The following SLFN12L variants were observed in gnomAD, a reference collection of about 807,000 sequenced individuals.
The protein encoded by SLFN12L is schlafen family member 12 like, also known as schlafen family member 12-like.
SLFN12L carries 34 observed loss-of-function variants against 34.8 expected under a neutral mutation model. The observed-to-expected ratio is 0.98, with a 90% CI of 0.74 to 1.30. SLFN12L has a LOEUF of 1.30. SLFN12L is among the 50% of genes most tolerant of loss of function. The pLI is 0.00. For missense variants in SLFN12L, 703 were observed against 696.2 expected (o/e 1.01, Z -0.11); for synonymous variants, 259 against 247.5 (o/e 1.05, Z -0.44).
At chr17:35,532,527 G>A (rs1567696057) in intron 1 of SLFN12L, among the ~76,000 whole-genome samples, 1 of 151,942 alleles carries the variant, frequency 6.6e-6, no homozygotes, top group Non-Finnish European at 1.5e-5. Context: ...TAAAAAGCCT[G>A]AGGGACGTTA....
chr17:35,498,587 T>C, intron 2 of SLFN12L: 8 of 1,584,006 alleles, frequency 5.1e-6, no homozygotes, highest in Non-Finnish European at 6.9e-6. Flanking sequence ...GCCGCTTCCA[T>C]GGAATGTTTC....
intron 2 of SLFN12L, among the ~76,000 whole-genome samples, chr17:35,518,772 T>C (rs1023820623): frequency 3.3e-5 from 5 of 152,136 alleles, no homozygotes; most frequent in African/African-American, 1.2e-4. Context: ...AATTCAACCA[T>C]TGTGGAAGAC....
At chr17:35,502,996 T>TA (rs1022139117) in intron 2 of SLFN12L, among the ~76,000 whole-genome samples, 6 of 151,812 alleles carry the variant, frequency 4.0e-5, no homozygotes, top group East Asian at 1.9e-4. Context: ...AAAAAAGTTA[T>TA]AAAAAAAAGT....
chr17:35,465,426 A>C lies in SLFN12L; in HGVS notation c.*9497T>G, dbSNP rs1913706895. Among the ~76,000 whole-genome samples the C allele has an allele frequency of 6.6e-6, 1 of 152,036 alleles. No individual in the cohort carries two copies. Among genetic ancestry groups the C allele is most frequent in the Non-Finnish European group, 1.5e-5 (1 of 68,014 alleles). ...CCTTAAAGTATCTCGTATTGAACAT[A>C]GACTCCATGTCACAATAAATAATAA... On this transcript the variant is annotated 3_prime_UTR_variant, in exon 5 of 5. Transcript: ENST00000628453.
chr17:35,474,892 C>G lies in SLFN12L; in HGVS notation c.*31G>C. The G allele has an allele frequency of 6.6e-7, 1 of 1,509,982 alleles. No individual in the cohort carries two copies. The highest frequency in any genetic ancestry group is 8.8e-7 in the Non-Finnish European group (1 of 1,132,116). 93.5% of individuals were successfully genotyped at this position (1,509,982 alleles called of 1,614,324 possible). ...GTTGCAGTGAGTCGAGATCGTGTCA[C>G]TACACTCCAGTCTGGGTGACAGAGT... On this transcript the variant is annotated 3_prime_UTR_variant, in exon 5 of 5. Coordinates refer to ENST00000628453, the MANE Select transcript of SLFN12L (RefSeq NM_001363830.2).
chr17:35,519,658 C>T (rs550393977), intron 2 of SLFN12L, among the ~76,000 whole-genome samples: 168 of 152,254 alleles, frequency 1.1e-3, no homozygotes, highest in Non-Finnish European at 1.9e-3. Flanking sequence ...AAAGTAAATA[C>T]GGTGGATCAA....
Position 35,525,401 on chromosome 17 carries a change from T to G in SLFN12L, c.-605-2432A>C, listed in dbSNP as rs553509625. ...TCGAGAAGAGCAACCCTAAGACACA[T>G]AATCGTCAGATTCACCAAGGTTGAA... On this transcript the variant is annotated intron_variant, in intron 1 of 4. Coordinates refer to ENST00000628453, the MANE Select transcript of SLFN12L (RefSeq NM_001363830.2). 5.3e-5 allele frequency among the ~76,000 whole-genome samples: 8 copies of G among 152,170 alleles called. 1 individual carries two copies. The South Asian group carries it at 1.7e-3, about 32-fold the overall frequency.
chr17:35,491,303 T>C (rs759130771), intron 2 of SLFN12L: 8 of 606,114 alleles, frequency 1.3e-5, no homozygotes, highest in East Asian at 8.6e-5. Flanking sequence ...CCAGAACATA[T>C]GTCATGCAAT....
chr17:35,519,351 CA>C (rs1364226392), intron 2 of SLFN12L, among the ~76,000 whole-genome samples: 1 of 151,780 alleles, frequency 6.6e-6, no homozygotes, highest in East Asian at 1.9e-4. Flanking sequence ...GAACTTAAAG[CA>C]AAATAAAATA....
At chr17:35,493,893 T>A (rs1914937064) in intron 2 of SLFN12L, among the ~76,000 whole-genome samples, 1 of 152,234 alleles carries the variant, frequency 6.6e-6, no homozygotes, top group African/African-American at 2.4e-5. Flanking sequence ...TGTTTTTGTT[T>A]TTGTTCTTAG....
rs1913759390 is a variant in SLFN12L, at chr17:35,469,088, C to T, written c.*5835G>A. On this transcript the variant is annotated 3_prime_UTR_variant, in exon 5 of 5. Transcript: ENST00000628453. ...GCTGTTGCCTCCTGAGTCAATCCCT[C>T]AACCCACTGGGAAGAGGACCACTAA... Among the ~76,000 whole-genome samples the T allele has an allele frequency of 6.6e-6, 1 of 151,418 alleles. No homozygotes were observed. The highest frequency in any genetic ancestry group is 1.5e-5 in the Non-Finnish European group (1 of 67,912).
chr17:35,466,846 A>T lies in SLFN12L; in HGVS notation c.*8077T>A, dbSNP rs1913725653. ...CTGAGGGCTCTCAGCCTCATGCTAT[A>T]TGCCATTAAAACCACAAATGACTAG... On this transcript the variant is annotated 3_prime_UTR_variant, in exon 5 of 5. Coordinates refer to ENST00000628453, the MANE Select transcript of SLFN12L (RefSeq NM_001363830.2). Among the ~76,000 whole-genome samples the T allele has an allele frequency of 6.6e-6, 1 of 152,188 alleles. No homozygotes were observed. Among genetic ancestry groups the T allele is most frequent in the African/African-American group, 2.4e-5 (1 of 41,432 alleles).
chr17:35,494,116 C>T (rs1398599611), intron 2 of SLFN12L, among the ~76,000 whole-genome samples: 1 of 151,598 alleles, frequency 6.6e-6, no homozygotes, highest in African/African-American at 2.4e-5. Flanking sequence ...CTACGGGGTA[C>T]GTGATTTTGT....
intron 2 of SLFN12L, among the ~76,000 whole-genome samples, chr17:35,494,236 A>C (rs1395825812): frequency 6.6e-6 from 1 of 151,948 alleles, no homozygotes; most frequent in Non-Finnish European, 1.5e-5. Context: ...TGTAAAAAAA[A>C]AACAACAAAA....
chr17:35,481,825 GTTTT>G (rs1370806833), intron 2 of SLFN12L, among the ~76,000 whole-genome samples: 1 of 152,030 alleles, frequency 6.6e-6, no homozygotes, highest in East Asian at 1.9e-4. Flanking sequence ...GATAATATTG[GTTTT>G]TTTGTTTGTT....
chr17:35,469,336 ATAAT>A lies in SLFN12L; in HGVS notation c.*5583_*5586del, dbSNP rs200732202. ...ATATATTATATATATAAATATATAT[ATAAT>A]ATATATATATATGTATTTCAAACTT... is the stretch of plus-strand genomic sequence containing the variant. On this transcript the variant is annotated 3_prime_UTR_variant, in exon 5 of 5. Coordinates refer to ENST00000628453, the MANE Select transcript of SLFN12L (RefSeq NM_001363830.2). Among the ~76,000 whole-genome samples the A allele has an allele frequency of 0.027, 2,893 of 107,970 alleles. 137 individuals are homozygous for A. In the South Asian group the frequency reaches 0.28, roughly 11 times the overall value. 70.8% of individuals were successfully genotyped at this position (107,970 alleles called of 152,430 possible).
At chr17:35,524,249 A>C (rs2072311782) in intron 1 of SLFN12L, among the ~76,000 whole-genome samples, 1 of 152,164 alleles carries the variant, frequency 6.6e-6, no homozygotes, top group African/African-American at 2.4e-5. Context: ...TAAAACCCCC[A>C]TCTCCCTGGG....
chr17:35,528,673 G>A (rs1252885392), intron 1 of SLFN12L, among the ~76,000 whole-genome samples: 2 of 152,004 alleles, frequency 1.3e-5, no homozygotes, highest in Admixed American at 1.3e-4. Context: ...CCTTCCTTAT[G>A]CCTTATACAA....
chr17:35,474,700 T>C lies in SLFN12L; in HGVS notation c.*223A>G, dbSNP rs1408702723. The C allele has an allele frequency of 3.0e-6, 1 of 334,626 alleles. No homozygotes were observed. Among genetic ancestry groups the C allele is most frequent in the Non-Finnish European group, 5.3e-6 (1 of 188,174 alleles). The allele number at this position is 334,626 out of a possible 1,614,324, so 20.7% of individuals were successfully genotyped here. A position where few individuals can be genotyped will look rare whatever the true frequency, so the allele number is the denominator to read the frequency against. ...ACTTTGGGAGACCGGGGGGGGGGGTTGAATCACGAGGTCAGGAGTTCAAGA... is the reference window on the plus strand; with the variant it reads ...ACTTTGGGAGACCGGGGGGGGGGGTCGAATCACGAGGTCAGGAGTTCAAGA... On this transcript the variant is annotated 3_prime_UTR_variant, in exon 5 of 5. Transcript: ENST00000628453.
Sources: allele counts gnomAD v4.1 joint callset (sites outside exome capture counted in the v4.1 genomes callset), GRCh38; gene constraint gnomAD v4.1.1; transcripts MANE v1.5; gene names NCBI Gene and HGNC (gene_info 2026-07-23, HGNC 2026-07-21).